Variants in PTK2 observed in about 807,000 individuals in gnomAD.
The protein encoded by PTK2 is focal adhesion kinase 1.
A neutral mutation model predicts 150.1 loss-of-function variants in PTK2; 45 were observed. The observed-to-expected ratio is 0.30, with a 90% CI of 0.24 to 0.38. The LOEUF (loss-of-function observed/expected upper bound fraction) is 0.38, where lower values mean the gene tolerates loss of function less well. Ranked by LOEUF, PTK2 falls within the 10% of genes least tolerant of loss-of-function variation. The pLI, the probability that PTK2 is intolerant of heterozygous loss-of-function variation, is 1.00. For synonymous variants in PTK2, 432 were observed against 449.2 expected (o/e 0.96, Z 0.48); for missense variants, 919 against 1,307.3 (o/e 0.70, Z 4.58).
Position 140,743,451 on chromosome 8 carries a change from T to G in PTK2, c.1635-121A>C, listed in dbSNP as rs903577905. ...CAGCTTATATACAATGCGAGCAGAT[T>G]ATATGATATTTATTATAGGATATAT... On this transcript the variant is annotated intron_variant, in intron 19 of 31. Transcript: ENST00000522684. 2.0e-5 allele frequency: 11 copies of G among 555,266 alleles called. No individual in the cohort carries two copies. The East Asian group carries it at 3.2e-4, about 16-fold the overall frequency. 34.4% of individuals were successfully genotyped at this position (555,266 alleles called of 1,614,324 possible).
At position 140,700,884 on chromosome 8, in the gene PTK2, C is replaced by A; in HGVS notation, c.2499+7G>T. ...AAGTCAAAGAAGCCTTTCAGAAACA[C>A]AATTACCAGAAATCTTTCCTCTTTT... On this transcript the variant is annotated splice_region_variant and intron_variant, in intron 26 of 31. Coordinates refer to ENST00000522684, the Ensembl canonical transcript of PTK2. The A allele has an allele frequency of 5.0e-6, 8 of 1,613,620 alleles. No individual in the cohort carries two copies. The highest frequency in any genetic ancestry group is 6.8e-6 in the Non-Finnish European group (8 of 1,179,700).
At chr8:140,669,224 A>G (rs1036775175) in intron 29 of PTK2, 2 of 150,780 alleles carry the variant, frequency 1.3e-5, no homozygotes, top group African/African-American at 4.9e-5. Flanking sequence ...TGATGGTGGA[A>G]TAACATGAGG....
intron 26 of PTK2, among the ~76,000 whole-genome samples, chr8:140,694,685 C>T (rs1021348145): frequency 6.6e-6 from 1 of 152,086 alleles, no homozygotes; most frequent in Middle Eastern, 3.2e-3. Flanking sequence ...TGCCAAAGGC[C>T]AAGACCCAGA....
At chr8:140,881,354 C>A (rs1272028331) in intron 3 of PTK2, among the ~76,000 whole-genome samples, 1 of 152,164 alleles carries the variant, frequency 6.6e-6, no homozygotes, top group Non-Finnish European at 1.5e-5. Context: ...CAGCTTCTTG[C>A]CAACACACAA....
At chr8:140,833,766 G>A (rs1306695693) in intron 7 of PTK2, among the ~76,000 whole-genome samples, 1 of 152,038 alleles carries the variant, frequency 6.6e-6, no homozygotes, top group Non-Finnish European at 1.5e-5. Context: ...ACTGTCAAAG[G>A]ATATGTCCTA....
rs1194449612 is a variant in PTK2, at chr8:140,773,955, A to C, written c.1178-9665T>G. 6.6e-5 allele frequency among the ~76,000 whole-genome samples: 10 copies of C among 152,036 alleles called. No individual in the cohort carries two copies. In the East Asian group the frequency reaches 1.2e-3, roughly 18 times the overall value. ...TACTCCTGCCTCTCTGGGACTGATA[A>C]ATTTTGCAGACCTCACATACCTCAG... is the stretch of plus-strand genomic sequence containing the variant. On this transcript the variant is annotated intron_variant, in intron 14 of 31. Coordinates refer to ENST00000522684, the Ensembl canonical transcript of PTK2.
rs67306225 is a variant in PTK2 at position 140,715,155 on chromosome 8, GTTTTTTTTTTTT to G, written c.2142+2431_2142+2442del. Among the ~76,000 whole-genome samples the G allele has an allele frequency of 2.0e-4, 11 of 56,020 alleles. No homozygotes were observed. The East Asian group carries it at 3.3e-3, about 17-fold the overall frequency. 36.8% of individuals were successfully genotyped at this position (56,020 alleles called of 152,430 possible). A position where few individuals can be genotyped will look rare whatever the true frequency, so the allele number is the denominator to read the frequency against. On this transcript the variant is annotated intron_variant, in intron 23 of 31. Transcript: ENST00000522684. ...AGATGATTTTCTAGCCATTAAAACCGTTTTTTTTTTTTTTTTTTTTTTTTTTTTTTTTTTTTT... is the reference window on the plus strand; with the variant it reads ...AGATGATTTTCTAGCCATTAAAACCGTTTTTTTTTTTTTTTTTTTTTTTTT...
At chr8:140,709,731 C>T (rs1448503128) in intron 23 of PTK2, among the ~76,000 whole-genome samples, 2 of 152,190 alleles carry the variant, frequency 1.3e-5, no homozygotes, top group African/African-American at 4.8e-5. Flanking sequence ...AAGGTCATGA[C>T]ACTTCCTCCT....
At chr8:140,959,250 G>A (rs2100182235) in intron 1 of PTK2, among the ~76,000 whole-genome samples, 1 of 151,926 alleles carries the variant, frequency 6.6e-6, no homozygotes, top group African/African-American at 2.4e-5. Flanking sequence ...ACAAAAGTAG[G>A]CCGGGCGCAG....
chr8:140,750,884 C>T (rs2100062227), intron 17 of PTK2, among the ~76,000 whole-genome samples: 1 of 152,114 alleles, frequency 6.6e-6, no homozygotes, highest in South Asian at 2.1e-4. Context: ...TTAGAATAGC[C>T]TGGGAAACAG....
chr8:140,731,893 C>A (rs776733481), intron 22 of PTK2, among the ~76,000 whole-genome samples: 15 of 152,038 alleles, frequency 9.9e-5, no homozygotes, highest in Non-Finnish European at 1.5e-5. Flanking sequence ...ACAGAGGAGA[C>A]CCCGCCTCAA....
At chr8:140,762,659 T>A (rs2100070023) in intron 15 of PTK2, among the ~76,000 whole-genome samples, 1 of 152,270 alleles carries the variant, frequency 6.6e-6, no homozygotes, top group African/African-American at 2.4e-5. Flanking sequence ...AAAGCCATGT[T>A]GGACATTTAC....
intron 3 of PTK2, among the ~76,000 whole-genome samples, chr8:140,887,937 T>A (rs570268700): frequency 6.6e-6 from 1 of 152,320 alleles, no homozygotes; most frequent in East Asian, 1.9e-4. Context: ...AACGTAGCTA[T>A]AATGAGTTTA....
chr8:140,862,054 T>C (rs915141764), intron 5 of PTK2, among the ~76,000 whole-genome samples: 1 of 152,218 alleles, frequency 6.6e-6, no homozygotes, highest in African/African-American at 2.4e-5. Flanking sequence ...ACTCACTTTA[T>C]CATATAGGAA....
intron 3 of PTK2, among the ~76,000 whole-genome samples, chr8:140,883,836 CACA>C (rs2100150683): frequency 1.3e-5 from 2 of 152,178 alleles, no homozygotes; most frequent in Admixed American, 6.5e-5. Flanking sequence ...GAGCTTAAAA[CACA>C]ACAAGTGCAT....
At chr8:140,890,367 G>C in intron 3 of PTK2, 176 bp downstream of exon 3, 2 of 506,882 alleles carry the variant, frequency 3.9e-6, no homozygotes, top group South Asian at 3.9e-5. Context: ...ACAACAATTA[G>C]AACGCTGGTC....
intron 8 of PTK2, among the ~76,000 whole-genome samples, chr8:140,829,557 A>G (rs1335440434): frequency 6.6e-6 from 1 of 152,226 alleles, no homozygotes; most frequent in Non-Finnish European, 1.5e-5. Context: ...CTGAAATACC[A>G]AAAGATGAAA....
intron 16 of PTK2, among the ~76,000 whole-genome samples, chr8:140,760,645 T>C (rs947267590): frequency 1.1e-4 from 16 of 152,284 alleles, no homozygotes; most frequent in Admixed American, 6.5e-4. Flanking sequence ...AACGTTCCAA[T>C]TGACAGTGGT....
chr8:140,930,628 T>C (rs189789253), intron 1 of PTK2, among the ~76,000 whole-genome samples: 79 of 152,354 alleles, frequency 5.2e-4, no homozygotes, highest in Non-Finnish European at 9.1e-4. Context: ...CTTTTGATTT[T>C]AGACTCATGT....
Sources: allele counts gnomAD v4.1 joint callset (sites outside exome capture counted in the v4.1 genomes callset), GRCh38; gene constraint gnomAD v4.1.1; transcripts MANE v1.5; gene names NCBI Gene and HGNC (gene_info 2026-07-23, HGNC 2026-07-21).